Variants in CYLC2 observed in about 807,000 individuals in gnomAD.
The protein encoded by CYLC2 is cylicin 2.
In CYLC2, 30 loss-of-function variants were observed where a neutral mutation model predicts 26.1. That is an observed-to-expected ratio of 1.15 (90% CI 0.86 to 1.56). CYLC2 has a LOEUF of 1.56. Among genes scored for constraint, CYLC2 ranks in the 40% most tolerant of loss-of-function variants. CYLC2 has a pLI of 0.00. For missense variants in CYLC2, 498 were observed against 394.4 expected (o/e 1.26, Z -2.23); for synonymous variants, 158 against 132.8 (o/e 1.19, Z -1.31).
chr9:102,997,375 G>A (rs1215922564), intron 1 of CYLC2, among the ~76,000 whole-genome samples: 1 of 151,878 alleles, frequency 6.6e-6, no homozygotes, highest in Admixed American at 6.6e-5. Flanking sequence ...CTCTGGGTGA[G>A]GAGTTCGAAA....
intron 1 of CYLC2, among the ~76,000 whole-genome samples, chr9:103,000,514 T>C (rs1221963973): frequency 1.3e-5 from 2 of 152,060 alleles, no homozygotes; most frequent in South Asian, 2.1e-4. Context: ...GATTCAGATA[T>C]GATGGGGCAA....
In CYLC2 at chr9:103,005,103, A is replaced by G. The variant is rs1254957592; in HGVS notation, c.472A>G (p.Lys158Glu). The change falls in exon 5 of 8, where the codon AAG (lysine) becomes GAG (glutamate). Residue 158 changes from lysine (K) to glutamate (E), a missense_variant. Lys to Glu is a moderately conservative substitution (Grantham distance 56, BLOSUM62 1). Coordinates refer to ENST00000374798, the MANE Select transcript of CYLC2 (RefSeq NM_001340.5). ...AGGAAAAGAAGAAAAGCTAGATGCA[A>G]AGAAAGATAGCAAAAAAGGTAAAAA... ...EKGKEEKLDA[K>E]KDSKKGKKDA... 1.2e-6 allele frequency: 2 copies of G among 1,607,138 alleles called. No individual in the cohort carries two copies. The highest frequency in any genetic ancestry group is 1.7e-6 in the Non-Finnish European group (2 of 1,177,330).
intron 1 of CYLC2, 59 bp downstream of exon 1, chr9:102,995,456 T>G: frequency 8.0e-7 from 1 of 1,252,886 alleles, no homozygotes; most frequent in Non-Finnish European, 1.2e-6. Flanking sequence ...ACATTTAACT[T>G]CTTTAGTATG....
chr9:102,997,855 A>G (rs1457593631), intron 1 of CYLC2, among the ~76,000 whole-genome samples: 1 of 151,970 alleles, frequency 6.6e-6, no homozygotes, highest in Non-Finnish European at 1.5e-5. Context: ...TCAGAAAAAC[A>G]AACTTGGTTA....
rs562114851 is a variant in CYLC2 at position 103,014,384 on chromosome 9, C to T, written c.*816+2287C>T. ...TACATAATATACATTATGTATATTA[C>T]GTAATATAACATAATGTATGTTACG... On this transcript the variant is annotated intron_variant, in intron 6 of 7. Coordinates refer to ENST00000374798, the MANE Select transcript of CYLC2 (RefSeq NM_001340.5). Among the ~76,000 whole-genome samples, 185 of 125,430 alleles carry T rather than the reference C, an allele frequency of 1.5e-3. 1 individual carries two copies. The South Asian group carries it at 0.034, about 23-fold the overall frequency. 82.3% of individuals were successfully genotyped at this position (125,430 alleles called of 152,430 possible). A position where few individuals can be genotyped will look rare whatever the true frequency, so the allele number is the denominator to read the frequency against.
chr9:103,008,936 T>C (rs1301624405), intron 5 of CYLC2, among the ~76,000 whole-genome samples: 1 of 152,128 alleles, frequency 6.6e-6, no homozygotes, highest in Non-Finnish European at 1.5e-5. Context: ...ACACTTACCA[T>C]CAACTTTTCT....
intron 1 of CYLC2, among the ~76,000 whole-genome samples, chr9:103,001,217 A>G (rs559707139): frequency 3.6e-4 from 54 of 151,918 alleles, no homozygotes; most frequent in Non-Finnish European, 5.2e-4. Flanking sequence ...GAACTGGGAA[A>G]AATAATTCAA....
chr9:103,002,357 CTTTTTTTTTTTTTT>C (rs61123272), intron 2 of CYLC2, among the ~76,000 whole-genome samples: 3 of 77,622 alleles, frequency 3.9e-5, no homozygotes, highest in African/African-American at 1.7e-4. Context: ...CATTTGCCCC[CTTTTTTTTTTTTTT>C]TTTTTTTTTT....
At chr9:103,006,998 T>A (rs1254165202) in intron 5 of CYLC2, among the ~76,000 whole-genome samples, 2 of 152,132 alleles carry the variant, frequency 1.3e-5, no homozygotes, top group Admixed American at 1.3e-4. Context: ...AATGTATACA[T>A]GCTTCATAAC....
chr9:103,011,945 CTCTTTTTTTTTTT>C (rs987227700), intron 5 of CYLC2, 24 bp from the exon 6 acceptor site: 15 of 105,332 alleles, frequency 1.4e-4, no homozygotes, highest in African/African-American at 5.6e-4. Context: ...TTAGATCATT[CTCTTTTTTTTTTT>C]TTTTTTTTTT....
chr9:103,007,094 A>G (rs1057379606), intron 5 of CYLC2, among the ~76,000 whole-genome samples: 2 of 152,128 alleles, frequency 1.3e-5, no homozygotes, highest in African/African-American at 4.8e-5. Flanking sequence ...GTTCAAATTG[A>G]CACTGTTCTT....
chr9:103,009,928 CAT>C (rs1829389201), intron 5 of CYLC2, among the ~76,000 whole-genome samples: 1 of 149,646 alleles, frequency 6.7e-6, no homozygotes, highest in African/African-American at 2.5e-5. Flanking sequence ...TATATACACA[CAT>C]ATATGTATTA....
chr9:103,001,749 C>T, intron 2 of CYLC2, 131 bp downstream of exon 2: 1 of 608,760 alleles, frequency 1.6e-6, no homozygotes, highest in Non-Finnish European at 2.8e-6. Context: ...TCCCAAGGAA[C>T]CTTTCTTACA....
chr9:103,015,481 A>G, intron 6 of CYLC2, among the ~76,000 whole-genome samples: 1 of 138,570 alleles, frequency 7.2e-6, no homozygotes, highest in African/African-American at 2.7e-5. Context: ...ATAATACATT[A>G]TATGTAATTA....
chr9:102,996,084 G>A (rs1829234152), intron 1 of CYLC2, among the ~76,000 whole-genome samples: 1 of 151,808 alleles, frequency 6.6e-6, no homozygotes, highest in African/African-American at 2.4e-5. Flanking sequence ...GTAATATAAA[G>A]TATGGGTGGG....
intron 6 of CYLC2, among the ~76,000 whole-genome samples, chr9:103,013,345 A>AATATATATTTAATATATTATATC (rs1564100471): frequency 6.0e-5 from 1 of 16,630 alleles, no homozygotes; most frequent in Non-Finnish European, 1.2e-4. Flanking sequence ...TATATTATAT[A>AATATATATTTAATATATTATATC]AATATATATT....
intron 6 of CYLC2, among the ~76,000 whole-genome samples, chr9:103,014,912 A>AT (rs1829479212): frequency 7.2e-6 from 1 of 139,770 alleles, no homozygotes; most frequent in South Asian, 2.3e-4. Context: ...TATATGTAAT[A>AT]TACATAATAT....
intron 6 of CYLC2, 110 bp downstream of exon 6, chr9:103,012,207 C>G (rs1416186038): frequency 1.3e-5 from 2 of 152,538 alleles, no homozygotes; most frequent in East Asian, 3.9e-4. Context: ...GTGATCTGCT[C>G]ACCTTGGCCT....
intron 5 of CYLC2, among the ~76,000 whole-genome samples, chr9:103,008,539 CA>C (rs1479025550): frequency 6.6e-6 from 1 of 151,924 alleles, no homozygotes; most frequent in Non-Finnish European, 1.5e-5. Flanking sequence ...TAACAAATCC[CA>C]AAGAGAACTG....
Sources: gnomAD v4.1 joint callset for allele counts (sites outside exome capture counted in the v4.1 genomes callset) on GRCh38, gnomAD v4.1.1 for gene constraint, MANE v1.5 for transcripts, NCBI Gene and HGNC (gene_info 2026-07-23, HGNC 2026-07-21) for gene names.